LINGO1: variants seen among roughly 807,000 people sequenced by gnomAD.
The protein encoded by LINGO1 is leucine-rich repeat and immunoglobulin-like domain-containing nogo receptor-interacting protein 1.
Under a neutral mutation model 37.3 loss-of-function variants are expected in LINGO1, and 11 were observed. The ratio of observed to expected loss-of-function variants is 0.29; its 90% CI spans 0.19 to 0.49. The LOEUF is 0.49. Ranked by LOEUF, LINGO1 falls within the 20% of genes least tolerant of loss-of-function variation. The probability of loss-of-function intolerance (pLI) is 0.99; values close to 1 mark genes in which losing one functional copy is unlikely to be tolerated. For missense variants in LINGO1, 585 were observed against 878.2 expected (o/e 0.67, Z 4.22); for synonymous variants, 387 against 403.0 (o/e 0.96, Z 0.48).
At chr15:77,767,424 G>A (rs1390082036) in intron 1 of LINGO1, among the ~76,000 whole-genome samples, 48 of 152,180 alleles carry the variant, frequency 3.2e-4, no homozygotes, top group Admixed American at 3.1e-3. Context: ...GTACCTCCCA[G>A]GCAACTTTTC....
intron 1 of LINGO1, among the ~76,000 whole-genome samples, chr15:77,629,368 T>C (rs548068945): frequency 1.3e-3 from 204 of 152,134 alleles, no homozygotes; most frequent in African/African-American, 4.3e-3. Flanking sequence ...TTAAATGTAT[T>C]GGGAAATGAA....
intron 3 of LINGO1, among the ~76,000 whole-genome samples, chr15:77,661,569 ATC>A (rs1287141381): frequency 3.9e-5 from 6 of 152,206 alleles, no homozygotes; most frequent in Admixed American, 2.6e-4. Context: ...GCCAGACACT[ATC>A]TGTTTCCTGG....
chr15:77,657,793 G>A (rs1165798953), intron 3 of LINGO1, among the ~76,000 whole-genome samples: 3 of 152,184 alleles, frequency 2.0e-5, no homozygotes, highest in Non-Finnish European at 2.9e-5. Flanking sequence ...TGGAGGCTCC[G>A]CCGCGGGGGC....
At chr15:77,769,201 G>A (rs769905543) in intron 1 of LINGO1, among the ~76,000 whole-genome samples, 3 of 152,244 alleles carry the variant, frequency 2.0e-5, no homozygotes, top group Non-Finnish European at 4.4e-5. Context: ...GCCCCCATTG[G>A]CTGCCTAAAG....
chr15:77,645,884 A>G (rs2074614779), intron 3 of LINGO1, among the ~76,000 whole-genome samples: 1 of 152,230 alleles, frequency 6.6e-6, no homozygotes, highest in African/African-American at 2.4e-5. Context: ...GGGGTGTAAG[A>G]TGCCAAGTGC....
At chr15:77,766,374 C>G (rs763579815) in intron 1 of LINGO1, among the ~76,000 whole-genome samples, 5 of 135,352 alleles carry the variant, frequency 3.7e-5, no homozygotes, top group Non-Finnish European at 8.1e-5. Context: ...ACAGAAGGAA[C>G]TCAAAAAAAA....
At chr15:77,620,303 A>G (rs1433879997) in intron 1 of LINGO1, among the ~76,000 whole-genome samples, 3 of 151,810 alleles carry the variant, frequency 2.0e-5, no homozygotes, top group Non-Finnish European at 4.4e-5. Flanking sequence ...GGCAGCAGAG[A>G]GCTGTGCCTG....
rs1035088060 is a variant in LINGO1 at position 77,745,521 on chromosome 15, G to A, written c.-256-10468C>T. Among the ~76,000 whole-genome samples the A allele has an allele frequency of 1.1e-4, 16 of 152,130 alleles. 1 individual carries two copies. The South Asian group carries it at 3.3e-3, about 32-fold the overall frequency. ...CCAGAATCACTGCCACCCCAACCTG[G>A]CGGCTCTGCCCACTGAGCGTGAGCT... On this transcript the variant is annotated intron_variant, in intron 1 of 3. Coordinates refer to the LINGO1 transcript ENST00000561686.
At chr15:77,798,717 A>T (rs968518942) in intron 1 of LINGO1, among the ~76,000 whole-genome samples, 2 of 152,292 alleles carry the variant, frequency 1.3e-5, no homozygotes, top group African/African-American at 4.8e-5. Flanking sequence ...GGCTGCAGCC[A>T]AGGTTGGGGG....
chr15:77,683,587 T>C (rs966603825), intron 2 of LINGO1, among the ~76,000 whole-genome samples: 6 of 152,112 alleles, frequency 3.9e-5, no homozygotes, highest in African/African-American at 1.4e-4. Flanking sequence ...CACAATATAC[T>C]GGGAAGTGAA....
chr15:77,644,426 G>A (rs1442712698), intron 3 of LINGO1, among the ~76,000 whole-genome samples: 2 of 152,178 alleles, frequency 1.3e-5, no homozygotes, highest in Non-Finnish European at 2.9e-5. Context: ...GGAGGTGGTC[G>A]AGGAGGGGTA....
chr15:77,713,766 G>A (rs1033613689), intron 2 of LINGO1, among the ~76,000 whole-genome samples: 2 of 152,080 alleles, frequency 1.3e-5, no homozygotes, highest in African/African-American at 2.4e-5. Context: ...CATCATGCCC[G>A]CAGCTGACTG....
chr15:77,776,757 C>T lies in LINGO1; in HGVS notation c.-257+10112G>A, dbSNP rs180911964. Among the ~76,000 whole-genome samples, 187 of 152,282 alleles carry T rather than the reference C, an allele frequency of 1.2e-3. 1 individual carries two copies. The highest frequency in any genetic ancestry group is 4.4e-3 in the African/African-American group (184 of 41,566). On this transcript the variant is annotated intron_variant, in intron 1 of 3. Coordinates refer to the LINGO1 transcript ENST00000561686. ...CTTTGGACTGCAAAGCTCCTTCTAC[C>T]GCAGCCTTGGCCCTCAAGGCCAGAG...
At chr15:77,771,071 C>G (rs1052064500) in intron 1 of LINGO1, among the ~76,000 whole-genome samples, 2 of 152,178 alleles carry the variant, frequency 1.3e-5, no homozygotes, top group African/African-American at 4.8e-5. Flanking sequence ...AGAGGTCAAA[C>G]AGAGATGGGA....
At chr15:77,810,268 TCACA>T (rs1433339230) in intron 1 of LINGO1, among the ~76,000 whole-genome samples, 1 of 109,774 alleles carries the variant, frequency 9.1e-6, no homozygotes, top group Non-Finnish European at 2.1e-5. Context: ...ATGCACACAC[TCACA>T]CACACATACA....
intron 3 of LINGO1, among the ~76,000 whole-genome samples, chr15:77,672,256 A>G (rs2075263955): frequency 7.0e-6 from 1 of 142,970 alleles, no homozygotes; most frequent in Admixed American, 7.2e-5. Context: ...CTGGGTACCC[A>G]ACCCTCCCCT....
At chr15:77,804,607 G>A (rs1302074109) in intron 1 of LINGO1, among the ~76,000 whole-genome samples, 3 of 152,196 alleles carry the variant, frequency 2.0e-5, no homozygotes, top group Non-Finnish European at 4.4e-5. Flanking sequence ...GGTGGTTCAC[G>A]TGAGTCTATC....
upstream of LINGO1, among the ~76,000 whole-genome samples, chr15:77,787,454 G>A (rs181520215): frequency 1.2e-4 from 19 of 152,128 alleles, no homozygotes; most frequent in African/African-American, 4.1e-4. Context: ...GGGAGCCTCC[G>A]GGAAGTGTGC....
chr15:77,712,781 G>C (rs1488931914), intron 2 of LINGO1, among the ~76,000 whole-genome samples: 3 of 152,170 alleles, frequency 2.0e-5, no homozygotes, highest in Non-Finnish European at 4.4e-5. Flanking sequence ...AAGCCCACCA[G>C]CTTCGGCCTG....
Sources: gnomAD v4.1 joint callset for allele counts (sites outside exome capture counted in the v4.1 genomes callset) on GRCh38, gnomAD v4.1.1 for gene constraint, MANE v1.5 for transcripts, NCBI Gene and HGNC (gene_info 2026-07-23, HGNC 2026-07-21) for gene names.